Variants in PLEKHG4B observed in about 807,000 individuals in gnomAD.
The protein encoded by PLEKHG4B is pleckstrin homology domain-containing family G member 4B.
Under a neutral mutation model 121.3 loss-of-function variants are expected in PLEKHG4B, and 111 were observed. That is an observed-to-expected ratio of 0.92 (90% confidence interval 0.78 to 1.07). The LOEUF is 1.07. PLEKHG4B is among the 50% of genes least tolerant of loss of function. The pLI, the probability that PLEKHG4B is intolerant of heterozygous loss-of-function variation, is 0.00. For synonymous variants in PLEKHG4B, 738 were observed against 725.0 expected (o/e 1.02, Z -0.29); for missense variants, 1,831 against 1,757.8 (o/e 1.04, Z -0.74).
At chr5:109,474 A>C (rs3866909) in intron 1 of PLEKHG4B, among the ~76,000 whole-genome samples, 21,501 of 147,784 alleles carry the variant, frequency 0.15, 3,915 homozygotes, top group African/African-American at 0.44. Context: ...TCCCATACCC[A>C]CCCCCAGGTG....
chr5:94,794 C>G (rs1455967063), intron 1 of PLEKHG4B, among the ~76,000 whole-genome samples: 2 of 152,108 alleles, frequency 1.3e-5, no homozygotes, highest in Non-Finnish European at 2.9e-5. Flanking sequence ...ATCTTGGAAA[C>G]CAGCACATCC....
chr5:98,187 G>A (rs780588244), intron 1 of PLEKHG4B, among the ~76,000 whole-genome samples: 16 of 152,120 alleles, frequency 1.1e-4, no homozygotes, highest in South Asian at 2.1e-4. Context: ...ATGGTTTTAG[G>A]TCTTGTGTTT....
At position 140,172 on chromosome 5, in the gene PLEKHG4B, G is replaced by A; in HGVS notation, c.933G>A (p.Arg311=). ...PPENCGGSGE[R]PDPMDQEDRP... is the part of the protein sequence containing the mutation. ...AGAACTGTGGGGGGTCGGGGGAGAG[G>A]CCGGACCCCATGGACCAGGAGGACA... Residue 311 remains arginine (R), a synonymous_variant, in exon 3 of 20, where the codon AGG becomes AGA. Transcript: ENST00000637938. The A allele has an allele frequency of 1.1e-6, 1 of 916,178 alleles. No individual in the cohort carries two copies. The highest frequency in any genetic ancestry group is 1.6e-6 in the Non-Finnish European group (1 of 623,928). 56.8% of individuals were successfully genotyped at this position (916,178 alleles called of 1,614,324 possible). A position where few individuals can be genotyped will look rare whatever the true frequency, so the allele number is the denominator to read the frequency against.
chr5:106,333 C>G (rs986424325), intron 1 of PLEKHG4B, among the ~76,000 whole-genome samples: 1 of 152,154 alleles, frequency 6.6e-6, no homozygotes, highest in African/African-American at 2.4e-5. Flanking sequence ...TCTCCGGGGG[C>G]CTGACAGCTC....
Position 163,435 on chromosome 5 carries a change from GA to G in PLEKHG4B, c.3365del (p.Lys1122SerfsTer41), listed in dbSNP as rs747821258. The stretch of plus-strand genomic sequence containing the variant: ...TAACCAGCACTGTAGCCACAGAGAA[GA>G]AGCTCCCGCTGTGGCAGCATGCCAG... ...EVTSTVATEK[K>X]LPLWQHARSP... On this transcript the variant is annotated frameshift_variant, in exon 13 of 20. Transcript: ENST00000637938. LOFTEE classifies it high-confidence loss of function. The G allele has an allele frequency of 6.2e-7, 1 of 1,613,022 alleles. No homozygotes were observed. The highest frequency in any genetic ancestry group is 8.5e-7 in the Non-Finnish European group (1 of 1,180,050).
At chr5:162,255 TCGCC>T (rs1560940768) in intron 12 of PLEKHG4B, among the ~76,000 whole-genome samples, 13 of 149,454 alleles carry the variant, frequency 8.7e-5, no homozygotes, top group South Asian at 6.3e-4. Context: ...AGCAGACTGC[TCGCC>T]TGCGAGCTCC....
Position 182,504 on chromosome 5 carries a change from C to A in PLEKHG4B, c.*181C>A. 1 of 628,234 alleles carries A rather than the reference C, an allele frequency of 1.6e-6. No individual in the cohort carries two copies. The highest frequency in any genetic ancestry group is 2.7e-6 in the Non-Finnish European group (1 of 375,952). 38.9% of individuals were successfully genotyped at this position (628,234 alleles called of 1,614,324 possible). ...TTAGACATTCCCTAACATTTTCAAACAAATTTATAATTTTGTCTTATTTAA... is the reference window on the plus strand; with the variant it reads ...TTAGACATTCCCTAACATTTTCAAAAAAATTTATAATTTTGTCTTATTTAA... On this transcript the variant is annotated 3_prime_UTR_variant, in exon 20 of 20. Coordinates refer to ENST00000637938, the MANE Select transcript of PLEKHG4B (RefSeq NM_052909.5).
At chr5:114,451 T>C (rs1734246335) in intron 2 of PLEKHG4B, among the ~76,000 whole-genome samples, 1 of 152,102 alleles carries the variant, frequency 6.6e-6, no homozygotes, top group South Asian at 2.1e-4. Context: ...GCAGATTCCA[T>C]ATTTTGGTGT....
At chr5:176,567 G>A (rs1160141387) in intron 18 of PLEKHG4B, among the ~76,000 whole-genome samples, 2 of 152,230 alleles carry the variant, frequency 1.3e-5, no homozygotes. Flanking sequence ...CAACTTGACA[G>A]CAACTTGATT....
chr5:135,830 A>G (rs769919069), intron 2 of PLEKHG4B, among the ~76,000 whole-genome samples: 1 of 149,952 alleles, frequency 6.7e-6, no homozygotes, highest in Non-Finnish European at 1.5e-5. Context: ...TTAAAACTCA[A>G]GTGGAATCTC....
rs1194773251 is a variant in PLEKHG4B at position 99,182 on chromosome 5, A to G, written c.45+6906A>G. On this transcript the variant is annotated intron_variant, in intron 1 of 19. Coordinates refer to ENST00000637938, the MANE Select transcript of PLEKHG4B (RefSeq NM_052909.5). ...AAAAAAAAAAAGTGTATATATATATATATATATATATATATATATATATAT... is the reference window on the plus strand; with the variant it reads ...AAAAAAAAAAAGTGTATATATATATGTATATATATATATATATATATATAT... 1.7e-3 allele frequency among the ~76,000 whole-genome samples: 154 copies of G among 91,500 alleles called. 1 individual carries two copies. Among genetic ancestry groups the G allele is most frequent in the Middle Eastern group, 5.4e-3 (1 of 186 alleles). 60.0% of individuals were successfully genotyped at this position (91,500 alleles called of 152,430 possible).
chr5:161,941 G>A lies in PLEKHG4B; in HGVS notation c.2646G>A (p.Glu882=), dbSNP rs200918109. The change falls in exon 12 of 20, where the codon GAG becomes GAA. Residue 882 remains glutamate (E), a synonymous_variant. Transcript: ENST00000637938. ...GGACCCGCTCGTCCGAGTTGTGCGA[G>A]ACGGTAAGAGACCCAGTGGGCGTGC... is the stretch of plus-strand genomic sequence containing the variant. ...ARWTRSSELC[E]TVSSWMGPLD... 5.0e-5 allele frequency: 81 copies of A among 1,607,254 alleles called. No individual in the cohort carries two copies. The highest frequency in any genetic ancestry group is 6.7e-5 in the Admixed American group (4 of 59,822).
At chr5:146,063 A>G (rs116756667) in intron 6 of PLEKHG4B, among the ~76,000 whole-genome samples, 2,697 of 141,590 alleles carry the variant, frequency 0.019, 86 homozygotes, top group African/African-American at 0.067. Flanking sequence ...CTCCCCCTCC[A>G]TGGTCCTCAC....
At position 139,426 on chromosome 5, in the gene PLEKHG4B, G is replaced by A; in HGVS notation, c.244-57G>A. 2.5e-6 allele frequency: 1 copy of A among 398,906 alleles called. No individual in the cohort carries two copies. Among genetic ancestry groups the A allele is most frequent in the Non-Finnish European group, 4.4e-6 (1 of 226,184 alleles). 24.7% of individuals were successfully genotyped at this position (398,906 alleles called of 1,614,324 possible). ...CCTGAGGGGTGGAGACCCAGGGCAT[G>A]GAAGGGCTCAGGACATGGCCGTGCC... On this transcript the variant is annotated intron_variant, in intron 2 of 19. Coordinates refer to ENST00000637938, the MANE Select transcript of PLEKHG4B (RefSeq NM_052909.5). The surrounding 1 kb of genome is among the most constrained non-coding windows in gnomAD (Gnocchi z 5.0).
intron 2 of PLEKHG4B, among the ~76,000 whole-genome samples, chr5:118,937 ACCT>A (rs1417635235): frequency 1.3e-5 from 2 of 150,904 alleles, no homozygotes; most frequent in African/African-American, 4.9e-5. Flanking sequence ...TACAGCCTTG[ACCT>A]CCTGGGCTCA....
intron 19 of PLEKHG4B, 45 bp from the exon 20 acceptor site, chr5:181,959 T>A (rs1205727525): frequency 6.3e-7 from 1 of 1,581,538 alleles, no homozygotes; most frequent in Non-Finnish European, 8.7e-7. Flanking sequence ...TGGGCTGCAC[T>A]TCTGGAGCGG....
chr5:161,510 C>T (rs1390856228), intron 11 of PLEKHG4B, among the ~76,000 whole-genome samples: 7 of 152,226 alleles, frequency 4.6e-5, no homozygotes, highest in Non-Finnish European at 1.0e-4. Flanking sequence ...ACGCATCCCT[C>T]CCTCGGTCCT....
rs377321841 is a variant in PLEKHG4B, at chr5:163,116, G to A, written c.3044G>A (p.Arg1015Gln). 6.6e-5 allele frequency: 103 copies of A among 1,563,750 alleles called. No individual in the cohort carries two copies. Among genetic ancestry groups the A allele is most frequent in the African/African-American group, 2.3e-4 (17 of 73,668 alleles). The change falls in exon 13 of 20, where the codon CGA (arginine) becomes CAA (glutamine). Residue 1015 changes from arginine (R) to glutamine (Q), a missense_variant. Physicochemically the swap from Arg to Gln is conservative, Grantham distance 43. Transcript: ENST00000637938. ...CAACCACTGTCCGGCCTCCCTGGAC[G>A]AGCGCTTCTGTGTGGACAGGACGGG... ...PAQPLSGLPG[R>Q]ALLCGQDGET...
intron 14 of PLEKHG4B, 82 bp from the exon 15 acceptor site, chr5:170,961 C>G: frequency 8.5e-7 from 1 of 1,183,208 alleles, no homozygotes. Flanking sequence ...GGGAGCAGTT[C>G]CAAGTCTGAC....
Sources: gnomAD v4.1 joint callset for allele counts (sites outside exome capture counted in the v4.1 genomes callset) on GRCh38, gnomAD v4.1.1 for gene constraint, Gnocchi (gnomAD v3.1) non-coding constraint, MANE v1.5 for transcripts, NCBI Gene and HGNC (gene_info 2026-07-23, HGNC 2026-07-21) for gene names.